RASA2: variants seen among roughly 807,000 people sequenced by gnomAD.
The protein encoded by RASA2 is RAS p21 protein activator 2, also known as ras GTPase-activating protein 2.
In RASA2, 155 loss-of-function variants were observed where a neutral mutation model predicts 118.2. The ratio of observed to expected loss-of-function variants is 1.31; its 90% CI spans 1.15 to 1.50. RASA2 has a LOEUF of 1.50. Among genes scored for constraint, RASA2 ranks in the 40% most tolerant of loss-of-function variants. The pLI, the probability that RASA2 is intolerant of heterozygous loss-of-function variation, is 0.00. For synonymous variants in RASA2, 353 were observed against 349.1 expected, an observed-to-expected ratio of 1.01 and a Z score of -0.12; for missense variants, 1,016 against 1,009.6, an observed-to-expected ratio of 1.01 and a Z score of -0.09.
At chr3:141,496,031 G>A (rs1025721996) in intron 1 of RASA2, among the ~76,000 whole-genome samples, 45 of 152,290 alleles carry the variant, frequency 3.0e-4, no homozygotes, top group Admixed American at 2.6e-4. Flanking sequence ...ATAAAAAGAG[G>A]TCTGAACAGT....
At chr3:141,531,695 T>C (rs2082263191) in intron 4 of RASA2, among the ~76,000 whole-genome samples, 1 of 152,052 alleles carries the variant, frequency 6.6e-6, no homozygotes, top group Non-Finnish European at 1.5e-5. Context: ...TATTAAACTT[T>C]ACAACTCTTT....
Position 141,598,021 on chromosome 3 carries a change from A to C in RASA2, c.1934-9657A>C, listed in dbSNP as rs970491213. Among the ~76,000 whole-genome samples, 4 of 152,288 alleles carry C rather than the reference A, an allele frequency of 2.6e-5. No individual in the cohort carries two copies. In the East Asian group the frequency reaches 7.7e-4, roughly 29 times the overall value. ...AAAACAGATGCAAGAAAAAAGTAGA[A>C]TATCTTAAAAACCCTGTATCTCTGC... is the stretch of plus-strand genomic sequence containing the variant. On this transcript the variant is annotated intron_variant, in intron 19 of 23. Transcript: ENST00000286364.
At chr3:141,518,482 C>CAAAAAAAAAAAAAAAAAAA (rs777543417) in intron 3 of RASA2, among the ~76,000 whole-genome samples, 1 of 27,032 alleles carries the variant, frequency 3.7e-5, no homozygotes, top group Non-Finnish European at 6.8e-5. Flanking sequence ...GACACCATCT[C>CAAAAAAAAAAAAAAAAAAA]AAAAAAAAAA....
intron 8 of RASA2, among the ~76,000 whole-genome samples, chr3:141,559,179 A>T (rs537019853): frequency 6.6e-6 from 1 of 152,252 alleles, no homozygotes; most frequent in East Asian, 1.9e-4. Context: ...ATAAACAAAG[A>T]TGATCTAATT....
chr3:141,491,633 C>A (rs1007805963), intron 1 of RASA2, among the ~76,000 whole-genome samples: 1 of 152,098 alleles, frequency 6.6e-6, no homozygotes, highest in African/African-American at 2.4e-5. Context: ...TAAGAGAAAA[C>A]TGTATGAGTC....
intron 19 of RASA2, chr3:141,600,214 G>T (rs1410573188): frequency 2.2e-6 from 1 of 458,746 alleles, no homozygotes; most frequent in East Asian, 6.0e-5. Flanking sequence ...ATAAGGAATG[G>T]AGATGTGTAA....
At chr3:141,559,854 A>C (rs1158877743) in intron 8 of RASA2, 40 bp from the exon 9 acceptor site, 3 of 1,535,482 alleles carry the variant, frequency 2.0e-6, no homozygotes, top group African/African-American at 2.7e-5. Flanking sequence ...ACTCTCTTAA[A>C]CATTGTTTGC....
In RASA2 at chr3:141,540,529, A is replaced by G. The variant is rs368944007; in HGVS notation, c.451-4A>G. The G allele has an allele frequency of 6.7e-5, 108 of 1,604,568 alleles. No homozygotes were observed. In the African/African-American group the frequency reaches 1.3e-3, roughly 19 times the overall value. ...CTCAGTTTGTAATCTTTTTGTCATT[A>G]TAGGGTAAAGTTCACCTTGAATTAA... On this transcript the variant is annotated splice_region_variant and splice_polypyrimidine_tract_variant and intron_variant, in intron 4 of 23. Coordinates refer to ENST00000286364, the MANE Select transcript of RASA2 (RefSeq NM_006506.5).
rs940473914 is a variant in RASA2 at position 141,556,638 on chromosome 3, GA to G, written c.684+736del. On this transcript the variant is annotated intron_variant, in intron 7 of 23. Transcript: ENST00000286364. ...TTTTTCATATTATTTGCAAACTACAGAAAAAAAAAATCAAACTCTCAAAAAG... is the reference window on the plus strand; with the variant it reads ...TTTTTCATATTATTTGCAAACTACAGAAAAAAAAATCAAACTCTCAAAAAG... 4.2e-3 allele frequency among the ~76,000 whole-genome samples: 612 copies of G among 146,162 alleles called. 3 individuals carry two copies. The highest frequency in any genetic ancestry group is 0.014 in the African/African-American group (575 of 40,146).
At chr3:141,575,642 C>T (rs2082998728) in intron 14 of RASA2, among the ~76,000 whole-genome samples, 1 of 152,146 alleles carries the variant, frequency 6.6e-6, no homozygotes, top group Admixed American at 6.5e-5. Flanking sequence ...GCAAGCAGGG[C>T]CTCAAACCTG....
intron 3 of RASA2, among the ~76,000 whole-genome samples, chr3:141,523,569 T>C (rs2151089789): frequency 6.6e-6 from 1 of 152,372 alleles, no homozygotes; most frequent in South Asian, 2.1e-4. Context: ...CATATATTTT[T>C]ATTTCCAATG....
At chr3:141,529,265 T>C (rs2082225138) in intron 3 of RASA2, among the ~76,000 whole-genome samples, 1 of 152,130 alleles carries the variant, frequency 6.6e-6, no homozygotes, top group Non-Finnish European at 1.5e-5. Flanking sequence ...GTTTTTCCTT[T>C]TCTCTTAATT....
chr3:141,563,633 A>G (rs558469398), intron 9 of RASA2, among the ~76,000 whole-genome samples: 1 of 152,290 alleles, frequency 6.6e-6, no homozygotes, highest in East Asian at 1.9e-4. Context: ...GGGCTGTTGT[A>G]GGGTTTTAAT....
intron 19 of RASA2, among the ~76,000 whole-genome samples, chr3:141,596,813 T>C (rs2083380720): frequency 6.6e-6 from 1 of 152,200 alleles, no homozygotes; most frequent in African/African-American, 2.4e-5. Flanking sequence ...GTTGAGAATG[T>C]GGAGAAACAG....
chr3:141,612,209 T>C (rs2107806416), intron 23 of RASA2, 74 bp from the exon 24 acceptor site: 1 of 1,123,622 alleles, frequency 8.9e-7, no homozygotes. Context: ...AAATACTTAA[T>C]GGATTATATA....
At position 141,540,617 on chromosome 3, in the gene RASA2, T is replaced by A. The variant is rs775402335; in HGVS notation, c.527+8T>A. On this transcript the variant is annotated splice_region_variant and intron_variant, in intron 5 of 23. Coordinates refer to ENST00000286364, the MANE Select transcript of RASA2 (RefSeq NM_006506.5). ...CCAGCAGCTTGTTGTACAGTAAGCA[T>A]TTTTTTTAACCAAAATCAACTAGAA... 1 of 1,561,250 alleles carries A rather than the reference T, an allele frequency of 6.4e-7. No homozygotes were observed. The highest frequency in any genetic ancestry group is 8.7e-7 in the Non-Finnish European group (1 of 1,143,230).
chr3:141,576,359 C>T (rs1378218511), intron 14 of RASA2, among the ~76,000 whole-genome samples: 2 of 152,148 alleles, frequency 1.3e-5, no homozygotes, highest in East Asian at 1.9e-4. Flanking sequence ...AGTTAAAACT[C>T]GAACCAAACC....
chr3:141,566,714 T>C (rs2082825306), intron 9 of RASA2, among the ~76,000 whole-genome samples: 1 of 152,198 alleles, frequency 6.6e-6, no homozygotes, highest in South Asian at 2.1e-4. Context: ...ATCAGTCTTT[T>C]ATTAAAAAAA....
At chr3:141,500,148 A>G (rs2151072082) in intron 1 of RASA2, among the ~76,000 whole-genome samples, 1 of 152,346 alleles carries the variant, frequency 6.6e-6, no homozygotes, top group East Asian at 1.9e-4. Flanking sequence ...TCAAGATGAC[A>G]GTTAAGGAGC....
Sources: allele counts gnomAD v4.1 joint callset (sites outside exome capture counted in the v4.1 genomes callset), GRCh38; gene constraint gnomAD v4.1.1; transcripts MANE v1.5; gene names NCBI Gene and HGNC (gene_info 2026-07-23, HGNC 2026-07-21).